The following C6 variants were observed in gnomAD, a reference collection of about 807,000 sequenced individuals.
The protein encoded by C6 is complement C6.
C6 carries 101 observed loss-of-function variants against 112.9 expected under a neutral mutation model. That is an observed-to-expected ratio of 0.89 (90% CI 0.76 to 1.06). The LOEUF (loss-of-function observed/expected upper bound fraction) is 1.06, where lower values mean the gene tolerates loss of function less well. C6 is among the 50% of genes least tolerant of loss of function. C6 has a pLI of 0.00. For missense variants in C6, 1,202 were observed against 1,104.6 expected (o/e 1.09, Z -1.25); for synonymous variants, 431 against 384.1 (o/e 1.12, Z -1.43).
chr5:41,260,840 C>G (rs1451933523), intron 1 of C6, among the ~76,000 whole-genome samples: 1 of 151,194 alleles, frequency 6.6e-6, no homozygotes, highest in Non-Finnish European at 1.5e-5. Context: ...CTTAAACACA[C>G]CAGTCCTATA....
At chr5:41,196,629 A>G (rs1750642437) in intron 4 of C6, among the ~76,000 whole-genome samples, 2 of 151,188 alleles carry the variant, frequency 1.3e-5, no homozygotes, top group South Asian at 2.1e-4. Flanking sequence ...TAATTAGTAC[A>G]GATTTTATTA....
At chr5:41,160,790 AG>A (rs1458061370) in intron 10 of C6, among the ~76,000 whole-genome samples, 1 of 152,142 alleles carries the variant, frequency 6.6e-6, no homozygotes, top group Non-Finnish European at 1.5e-5. Flanking sequence ...CTTTTTTTCC[AG>A]GACAGTTTTG....
chr5:41,150,136 G>A, intron 15 of C6, 111 bp from the exon 16 acceptor site: 1 of 754,130 alleles, frequency 1.3e-6, no homozygotes, highest in Admixed American at 2.0e-5. Flanking sequence ...ATCTCTTGGA[G>A]TTAGATCATT....
intron 7 of C6, among the ~76,000 whole-genome samples, chr5:41,180,163 G>A (rs765161970): frequency 1.3e-5 from 2 of 152,128 alleles, no homozygotes; most frequent in Non-Finnish European, 2.9e-5. Context: ...GTGCATAAAT[G>A]GTTGACTAAA....
chr5:41,199,930 A>G lies in C6; in HGVS notation c.301-18T>C, dbSNP rs763054779. 8 of 1,613,228 alleles carry G rather than the reference A, an allele frequency of 5.0e-6. No homozygotes were observed. Among genetic ancestry groups the G allele is most frequent in the Non-Finnish European group, 6.8e-6 (8 of 1,179,442 alleles). Reference sequence around the variant, plus strand: ...ACTTTAGACTGAAAGGAAAGAAGAGAAAGATATAACTCTGAGGCAGGGTCA... The same window carrying G: ...ACTTTAGACTGAAAGGAAAGAAGAGGAAGATATAACTCTGAGGCAGGGTCA... On this transcript the variant is annotated intron_variant, in intron 3 of 17. Transcript: ENST00000337836.
chr5:41,202,679 T>C (rs760671071), intron 2 of C6, among the ~76,000 whole-genome samples: 3 of 152,202 alleles, frequency 2.0e-5, no homozygotes, highest in South Asian at 2.1e-4. Context: ...ATTTTGTATA[T>C]GCCAACAATC....
intron 1 of C6, among the ~76,000 whole-genome samples, chr5:41,207,037 A>T (rs1406405023): frequency 6.6e-6 from 1 of 152,206 alleles, no homozygotes; most frequent in Non-Finnish European, 1.5e-5. Context: ...CTCAGCAGAA[A>T]CTCTACAAGC....
At position 41,208,751 on chromosome 5, in the gene C6, T is replaced by C. The variant is rs1332685542; in HGVS notation, c.-21+4625A>G. The stretch of plus-strand genomic sequence containing the variant: ...TTAATAGCTTACCAACCAAAAAAAG[T>C]CCAGGACCAGATGGATTCACAGCCG... On this transcript the variant is annotated intron_variant, in intron 1 of 17. Transcript: ENST00000337836. Among the ~76,000 whole-genome samples, 8 of 151,970 alleles carry C rather than the reference T, an allele frequency of 5.3e-5. No homozygotes were observed. In the East Asian group the frequency reaches 9.7e-4, roughly 18 times the overall value.
At chr5:41,169,052 C>T (rs1329666210) in intron 9 of C6, among the ~76,000 whole-genome samples, 1 of 152,016 alleles carries the variant, frequency 6.6e-6, no homozygotes, top group Non-Finnish European at 1.5e-5. Context: ...AAAAGATGGC[C>T]TGGCCTTTTT....
intron 7 of C6, among the ~76,000 whole-genome samples, chr5:41,178,581 T>G (rs1373835165): frequency 6.7e-6 from 1 of 148,494 alleles, no homozygotes. Flanking sequence ...GTTCAAGTGA[T>G]TCTCCTGCCT....
chr5:41,160,705 T>C (rs1580074083), intron 10 of C6, among the ~76,000 whole-genome samples: 1 of 152,308 alleles, frequency 6.6e-6, no homozygotes, highest in East Asian at 1.9e-4. Context: ...AACTCTTTCC[T>C]GCTCTACTGA....
At chr5:41,179,676 T>A (rs1226039798) in intron 7 of C6, among the ~76,000 whole-genome samples, 2 of 148,166 alleles carry the variant, frequency 1.3e-5, no homozygotes, top group Non-Finnish European at 3.0e-5. Context: ...ATAAAATATA[T>A]GTTATATTAT....
rs142408453 is a variant in C6 at position 41,191,316 on chromosome 5, C to T, written c.587+4476G>A. Among the ~76,000 whole-genome samples the T allele has an allele frequency of 9.0e-3, 1,373 of 152,156 alleles. 29 individuals carry two copies. The highest frequency in any genetic ancestry group is 0.03 in the African/African-American group (1,260 of 41,518). On this transcript the variant is annotated intron_variant, in intron 5 of 17. Coordinates refer to ENST00000337836, the MANE Select transcript of C6 (RefSeq NM_000065.5). Reference sequence around the variant, plus strand: ...TCCTGAACTCATGATCCACCCGCCTCGGCCTCCCAAAGTGCTGGCACAGGC... The same window carrying T: ...TCCTGAACTCATGATCCACCCGCCTTGGCCTCCCAAAGTGCTGGCACAGGC...
At chr5:41,150,160 C>G in intron 15 of C6, 135 bp from the exon 16 acceptor site, 1 of 686,032 alleles carries the variant, frequency 1.5e-6, no homozygotes, top group East Asian at 2.8e-5. Context: ...TTTGGCTTCT[C>G]TAAATACATT....
chr5:41,214,400 C>T (rs186368983), upstream of C6, among the ~76,000 whole-genome samples: 616 of 152,238 alleles, frequency 4.0e-3, 10 homozygotes, highest in Non-Finnish European at 3.7e-3. Context: ...CAGCTGGGAA[C>T]CCACCACTCA....
chr5:41,150,801 C>G (rs1377961955), intron 15 of C6, among the ~76,000 whole-genome samples: 2 of 151,392 alleles, frequency 1.3e-5, no homozygotes, highest in Admixed American at 1.3e-4. Flanking sequence ...GCAAAAGAGT[C>G]ACTTGAACCC....
chr5:41,226,204 C>G (rs999496827), intron 1 of C6, among the ~76,000 whole-genome samples: 40 of 152,148 alleles, frequency 2.6e-4, no homozygotes, highest in African/African-American at 9.4e-4. Flanking sequence ...ATCTACTCAT[C>G]TGACAAAGGG....
intron 1 of C6, among the ~76,000 whole-genome samples, chr5:41,234,341 T>G (rs1561195442): frequency 6.9e-6 from 1 of 145,866 alleles, no homozygotes; most frequent in East Asian, 1.9e-4. Flanking sequence ...CCCTTTCGTT[T>G]TTTTTTTTGT....
At chr5:41,213,582 T>A (rs1383549788), upstream of C6, 1 of 984,322 alleles carries the variant, frequency 1.0e-6, no homozygotes, top group Admixed American at 6.2e-5. Flanking sequence ...AACTTGAACT[T>A]TGCAAATGAT....
Sources: allele counts gnomAD v4.1 joint callset (sites outside exome capture counted in the v4.1 genomes callset), GRCh38; gene constraint gnomAD v4.1.1; transcripts MANE v1.5; gene names NCBI Gene and HGNC (gene_info 2026-07-23, HGNC 2026-07-21).